Variants in CCDC18 observed in about 807,000 individuals in gnomAD.
CCDC18 encodes coiled-coil domain-containing protein 18.
CCDC18 carries 157 observed loss-of-function variants against 196.0 expected under a neutral mutation model. The observed-to-expected ratio is 0.80, with a 90% CI of 0.70 to 0.91. The LOEUF is 0.91. Among genes scored for constraint, CCDC18 ranks in the 40% least tolerant of loss-of-function variants. The pLI is 0.00. For synonymous variants in CCDC18, 482 were observed against 529.2 expected, an observed-to-expected ratio of 0.91 and a Z score of 1.22; for missense variants, 1,465 against 1,611.6, an observed-to-expected ratio of 0.91 and a Z score of 1.56.
chr1:93,199,491 G>A (rs944233015), intron 6 of CCDC18, among the ~76,000 whole-genome samples: 6 of 152,220 alleles, frequency 3.9e-5, no homozygotes, highest in Non-Finnish European at 8.8e-5. Context: ...TCACAGCCCT[G>A]GCTCGGGAAG....
At chr1:93,278,020 CTT>C (rs1480033147) in intron 28 of CCDC18, among the ~76,000 whole-genome samples, 2 of 152,004 alleles carry the variant, frequency 1.3e-5, no homozygotes, top group Admixed American at 6.6e-5. Flanking sequence ...GAGTTACCCT[CTT>C]GTCTCCCAGG....
intron 24 of CCDC18, among the ~76,000 whole-genome samples, chr1:93,255,687 G>T (rs530040375): frequency 6.6e-5 from 10 of 151,836 alleles, no homozygotes; most frequent in African/African-American, 2.4e-4. Flanking sequence ...AGTGATTTGT[G>T]ATCACGCCAC....
chr1:93,275,093 T>C (rs1313567734), intron 28 of CCDC18, among the ~76,000 whole-genome samples: 1 of 152,138 alleles, frequency 6.6e-6, no homozygotes, highest in East Asian at 1.9e-4. Flanking sequence ...TACTACTCTG[T>C]AAAATTTAAT....
chr1:93,274,788 T>C (rs969103223), intron 28 of CCDC18, among the ~76,000 whole-genome samples: 2 of 152,196 alleles, frequency 1.3e-5, no homozygotes, highest in African/African-American at 2.4e-5. Flanking sequence ...GAGGCTGCAG[T>C]GAGCTATTAT....
At chr1:93,272,606 A>C (rs182261632) in intron 28 of CCDC18, among the ~76,000 whole-genome samples, 161 of 152,272 alleles carry the variant, frequency 1.1e-3, no homozygotes, top group African/African-American at 3.7e-3. Context: ...CATATTTGGT[A>C]ATGTCGAGGC....
At chr1:93,194,865 A>T (rs964918422) in intron 6 of CCDC18, among the ~76,000 whole-genome samples, 1 of 151,980 alleles carries the variant, frequency 6.6e-6, no homozygotes, top group South Asian at 2.1e-4. Flanking sequence ...TAGAGTATTG[A>T]CTTTGTTGTT....
Position 93,210,907 on chromosome 1 carries a change from T to G in CCDC18, c.1315T>G (p.Leu439Val). The G allele has an allele frequency of 1.2e-6, 2 of 1,613,776 alleles. No individual in the cohort carries two copies. Residue 439 changes from leucine to valine, a missense_variant, in exon 10 of 29, where the codon TTG becomes GTG. Transcript: ENST00000690025. ...CATTGGCTGCTGTGAGGCAAATAAA[T>G]TGGTGATTTCGGAATTGAGGTACAA... ...RCIGCCEANK[L>V]VISELRIKLA...
In CCDC18 at chr1:93,274,999, C is replaced by T. The variant is rs150424044; in HGVS notation, c.4354-3464C>T. Among the ~76,000 whole-genome samples, 5 of 152,312 alleles carry T rather than the reference C, an allele frequency of 3.3e-5. No homozygotes were observed. The East Asian group carries it at 9.6e-4, about 29-fold the overall frequency. ...ATAACTTTAAGCTCACATGGAACTC[C>T]TACAGCGCATGAGCCTCAGTTGCAT... On this transcript the variant is annotated intron_variant, in intron 28 of 28. Coordinates refer to ENST00000690025, the MANE Select transcript of CCDC18 (RefSeq NM_001378204.1).
chr1:93,182,964 C>A (rs1399939579), intron 1 of CCDC18, among the ~76,000 whole-genome samples: 1 of 152,094 alleles, frequency 6.6e-6, no homozygotes, highest in Non-Finnish European at 1.5e-5. Flanking sequence ...GTCTTTGCAT[C>A]CTAATGACTT....
chr1:93,240,766 C>T (rs572808482), intron 21 of CCDC18, among the ~76,000 whole-genome samples: 1 of 152,260 alleles, frequency 6.6e-6, no homozygotes, highest in South Asian at 2.1e-4. Context: ...CTAGTTGTTA[C>T]CTCCATTCGG....
chr1:93,217,999 C>A, intron 14 of CCDC18, 130 bp downstream of exon 14: 1 of 681,794 alleles, frequency 1.5e-6, no homozygotes, highest in Non-Finnish European at 2.5e-6. Context: ...TAATTAGAAT[C>A]CCAATCTTTC....
At chr1:93,184,578 A>G (rs1255316405) in intron 3 of CCDC18, among the ~76,000 whole-genome samples, 1 of 149,488 alleles carries the variant, frequency 6.7e-6, no homozygotes, top group East Asian at 2.0e-4. Context: ...TTTGTCAATG[A>G]TGTTAGAGAT....
At chr1:93,240,074 A>G (rs1004545726) in intron 21 of CCDC18, among the ~76,000 whole-genome samples, 178 bp downstream of exon 21, 1 of 152,192 alleles carries the variant, frequency 6.6e-6, no homozygotes, top group Non-Finnish European at 1.5e-5. Context: ...TTGGCCGCCA[A>G]AACTTTCATC....
chr1:93,182,340 A>G (rs1254761498), intron 1 of CCDC18, among the ~76,000 whole-genome samples: 2 of 152,178 alleles, frequency 1.3e-5, no homozygotes, highest in Admixed American at 6.5e-5. Context: ...ACAGTTTAGT[A>G]TTCGTTAATT....
intron 6 of CCDC18, among the ~76,000 whole-genome samples, chr1:93,197,485 A>G (rs1249915255): frequency 6.6e-6 from 1 of 152,158 alleles, no homozygotes; most frequent in African/African-American, 2.4e-5. Context: ...TAACTTTAAA[A>G]TAAATGAAAA....
intron 12 of CCDC18, among the ~76,000 whole-genome samples, chr1:93,215,455 C>CTTTTTTTTTTTTTT (rs60117060): frequency 7.1e-6 from 1 of 139,914 alleles, no homozygotes; most frequent in African/African-American, 2.6e-5. Context: ...TTTTCTTTTT[C>CTTTTTTTTTTTTTT]TTTTTTTTTT....
intron 23 of CCDC18, among the ~76,000 whole-genome samples, chr1:93,253,781 C>T (rs979802415): frequency 1.2e-4 from 19 of 152,142 alleles, no homozygotes; most frequent in African/African-American, 4.6e-4. Flanking sequence ...GTAGCCAAGT[C>T]CCTTGGGGAC....
At position 93,226,326 on chromosome 1, in the gene CCDC18, T is replaced by G; in HGVS notation, c.2176-7T>G. 1 of 1,128,118 alleles carries G rather than the reference T, an allele frequency of 8.9e-7. No individual in the cohort carries two copies. The highest frequency in any genetic ancestry group is 1.6e-5 in the African/African-American group (1 of 61,184). The allele number at this position is 1,128,118 out of a possible 1,614,324, so 69.9% of individuals were successfully genotyped here. On this transcript the variant is annotated splice_polypyrimidine_tract_variant and splice_region_variant and intron_variant, in intron 16 of 28. Coordinates refer to ENST00000690025, the MANE Select transcript of CCDC18 (RefSeq NM_001378204.1). ...TTTTTTTTTTTTTTGCTTTTTTTCC[T>G]GCTTAGGTTAGGCAACTAGATTCAG...
chr1:93,191,030 A>C, intron 4 of CCDC18: 5 of 962,260 alleles, frequency 5.2e-6, no homozygotes, highest in Non-Finnish European at 8.2e-6. Flanking sequence ...TTCTTACAGA[A>C]AGTCCTGCAG....
Sources: gnomAD v4.1 joint callset for allele counts (sites outside exome capture counted in the v4.1 genomes callset) on GRCh38, gnomAD v4.1.1 for gene constraint, MANE v1.5 for transcripts, NCBI Gene and HGNC (gene_info 2026-07-23, HGNC 2026-07-21) for gene names.